Variants in RASSF2 observed in about 807,000 individuals in gnomAD.
RASSF2 encodes the protein Ras association domain family member 2, also known as ras association domain-containing protein 2.
RASSF2 carries 34 observed loss-of-function variants against 46.3 expected under a neutral mutation model. The ratio of observed to expected loss-of-function variants is 0.73; its 90% CI spans 0.56 to 0.98. The LOEUF is 0.98. RASSF2 is among the 50% of genes least tolerant of loss of function. The pLI, the probability that RASSF2 is intolerant of heterozygous loss-of-function variation, is 0.00. For synonymous variants in RASSF2, 158 were observed against 162.5 expected (o/e 0.97, Z 0.21); for missense variants, 364 against 431.2 (o/e 0.84, Z 1.38).
chr20:4,808,163 T>C (rs561895849), intron 2 of RASSF2, among the ~76,000 whole-genome samples: 2 of 152,368 alleles, frequency 1.3e-5, no homozygotes, highest in South Asian at 4.1e-4. Context: ...TCTGTGGCCT[T>C]GGAGACAGGG....
chr20:4,797,686 A>G (rs1483091918), intron 4 of RASSF2, among the ~76,000 whole-genome samples: 2 of 152,176 alleles, frequency 1.3e-5, no homozygotes, highest in African/African-American at 2.4e-5. Flanking sequence ...CGAATTGCCC[A>G]ACGAGAGAAC....
In RASSF2 at chr20:4,787,704, G is replaced by A. The variant is rs1925484784; in HGVS notation, c.742C>T (p.Gln248Ter). Residue 248 changes from glutamine to a stop codon, truncating the protein, a stop_gained, in exon 10 of 12, where the codon CAG (glutamine) becomes TAG (stop). Transcript: ENST00000379400. LOFTEE classifies it high-confidence loss of function. ...TDYPLIARIL[Q>*]GPCEQISKVF... ...TTGGAGATCTGCTCACATGGGCCCT[G>A]GAGGATTCGGGCAATCAGCGGGTAA... is the stretch of plus-strand genomic sequence containing the variant. 6.2e-7 allele frequency: 1 copy of A among 1,614,072 alleles called. No individual in the cohort carries two copies. Among genetic ancestry groups the A allele is most frequent in the Non-Finnish European group, 8.5e-7 (1 of 1,180,002 alleles).
rs1183482437 is a variant in RASSF2 at position 4,783,369 on chromosome 20, A to C, written c.*904T>G. 1 of 152,274 alleles carries C rather than the reference A, an allele frequency of 6.6e-6. No homozygotes were observed. Among genetic ancestry groups the C allele is most frequent in the Non-Finnish European group, 1.5e-5 (1 of 68,074 alleles). 9.4% of individuals were successfully genotyped at this position (152,274 alleles called of 1,614,324 possible). A position where few individuals can be genotyped will look rare whatever the true frequency, so the allele number is the denominator to read the frequency against. On this transcript the variant is annotated 3_prime_UTR_variant, in exon 12 of 12. Coordinates refer to ENST00000379400, the MANE Select transcript of RASSF2 (RefSeq NM_014737.3). The stretch of plus-strand genomic sequence containing the variant: ...CAGGCCCTGGCCACACTAGCTGGTC[A>C]GCACTGTGTACGCACCAGCGAGATC...
At chr20:4,786,836 C>A (rs1925392194) in intron 10 of RASSF2, among the ~76,000 whole-genome samples, 1 of 152,088 alleles carries the variant, frequency 6.6e-6, no homozygotes, top group South Asian at 2.1e-4. Context: ...GTAATCCCGG[C>A]ACTTTGGGAG....
At chr20:4,813,239 T>G (rs1334946527) in intron 2 of RASSF2, among the ~76,000 whole-genome samples, 1 of 152,066 alleles carries the variant, frequency 6.6e-6, no homozygotes, top group Non-Finnish European at 1.5e-5. Context: ...GAGCTGCCCC[T>G]GCCTGGCCCA....
At chr20:4,785,841 G>C (rs539303589) in intron 11 of RASSF2, among the ~76,000 whole-genome samples, 1 of 152,282 alleles carries the variant, frequency 6.6e-6, no homozygotes, top group African/African-American at 2.4e-5. Context: ...ACCCGTCAAA[G>C]ACCCTCATCG....
At chr20:4,816,869 C>T (rs762914871) in intron 2 of RASSF2, among the ~76,000 whole-genome samples, 1 of 151,980 alleles carries the variant, frequency 6.6e-6, no homozygotes, top group South Asian at 2.1e-4. Context: ...TTTGGGAGGC[C>T]GAGGCGGGTG....
chr20:4,822,049 G>T (rs1337507033), intron 2 of RASSF2, among the ~76,000 whole-genome samples: 1 of 152,214 alleles, frequency 6.6e-6, no homozygotes, highest in Non-Finnish European at 1.5e-5. Flanking sequence ...GCCATGCGAG[G>T]CTTCTTTAAT....
chr20:4,797,233 G>A (rs1473668299), intron 4 of RASSF2, among the ~76,000 whole-genome samples: 2 of 152,126 alleles, frequency 1.3e-5, no homozygotes, highest in African/African-American at 4.8e-5. Context: ...AGTGGTTTGA[G>A]GGACACAGAA....
Position 4,787,849 on chromosome 20 carries a change from G to A in RASSF2, c.692-95C>T, listed in dbSNP as rs867834303. 2.4e-5 allele frequency: 34 copies of A among 1,446,334 alleles called. No individual in the cohort carries two copies. The Middle Eastern group carries it at 1.8e-3, about 78-fold the overall frequency. 89.6% of individuals were successfully genotyped at this position (1,446,334 alleles called of 1,614,324 possible). ...GTCCAAAGGCACCTTAGGAGATGCC[G>A]CCATATACGTCAGGAGACTGATTTA... On this transcript the variant is annotated intron_variant, in intron 9 of 11. Transcript: ENST00000379400.
intron 2 of RASSF2, among the ~76,000 whole-genome samples, chr20:4,818,480 G>A (rs1379540243): frequency 6.6e-6 from 1 of 152,084 alleles, no homozygotes; most frequent in Admixed American, 6.6e-5. Flanking sequence ...ATGTGTGCTG[G>A]GGCCAGATCC....
intron 5 of RASSF2, 38 bp from the exon 6 acceptor site, chr20:4,792,665 G>C: frequency 6.2e-7 from 1 of 1,607,620 alleles, no homozygotes; most frequent in Non-Finnish European, 8.5e-7. Flanking sequence ...GGGGAGACTA[G>C]TTTAAGCCCT....
intron 6 of RASSF2, among the ~76,000 whole-genome samples, chr20:4,791,373 A>G (rs767439749): frequency 6.6e-6 from 1 of 152,134 alleles, no homozygotes; most frequent in Non-Finnish European, 1.5e-5. Context: ...TGCTTTTAAT[A>G]CCACTGAACT....
intron 11 of RASSF2, 26 bp downstream of exon 11, chr20:4,786,204 AC>A (rs1207556834): frequency 6.4e-7 from 1 of 1,556,982 alleles, no homozygotes; most frequent in African/African-American, 1.4e-5. Flanking sequence ...GGAGAAGTGC[AC>A]CCAGTGCCCC....
rs1926284052 is a variant in RASSF2 at position 4,795,747 on chromosome 20, T to C, written c.287+68A>G. ...GCTGGCTGGAAGAAGGCAGCATTTATCTGCTTGAGAACACATAGAACACCC... is the reference window on the plus strand; with the variant it reads ...GCTGGCTGGAAGAAGGCAGCATTTACCTGCTTGAGAACACATAGAACACCC... On this transcript the variant is annotated intron_variant, in intron 5 of 11. Coordinates refer to ENST00000379400, the MANE Select transcript of RASSF2 (RefSeq NM_014737.3). This position sits in a 1 kb window ranked among gnomAD's most constrained non-coding sequence, Gnocchi z 4.0. The C allele has an allele frequency of 1.3e-6, 2 of 1,521,452 alleles. No homozygotes were observed. The highest frequency in any genetic ancestry group is 2.5e-5 in the East Asian group (1 of 39,630). The allele number at this position is 1,521,452 out of a possible 1,614,324, so 94.2% of individuals were successfully genotyped here.
chr20:4,786,443 C>A lies in RASSF2; in HGVS notation c.814-115G>T, dbSNP rs138970894. 219 of 933,606 alleles carry A rather than the reference C, an allele frequency of 2.3e-4. 1 individual carries two copies. In the African/African-American group the frequency reaches 3.0e-3, roughly 13 times the overall value. 57.8% of individuals were successfully genotyped at this position (933,606 alleles called of 1,614,324 possible). ...TTGGGAAGTCTATTTTTTTCAGAAACCCAGGATTTCCTTAAAGGCAGCAGC... is the reference window on the plus strand; with the variant it reads ...TTGGGAAGTCTATTTTTTTCAGAAAACCAGGATTTCCTTAAAGGCAGCAGC... On this transcript the variant is annotated intron_variant, in intron 10 of 11. Transcript: ENST00000379400.
intron 4 of RASSF2, among the ~76,000 whole-genome samples, chr20:4,797,798 T>C (rs1286312047): frequency 6.6e-6 from 1 of 152,160 alleles, no homozygotes; most frequent in Non-Finnish European, 1.5e-5. Context: ...TACAGGAATG[T>C]CTCTGGAACA....
intron 3 of RASSF2, 96 bp downstream of exon 3, chr20:4,800,876 C>T: frequency 9.8e-7 from 1 of 1,019,490 alleles, no homozygotes; most frequent in Non-Finnish European, 1.6e-6. Flanking sequence ...GTCTGATATA[C>T]AGTGGGGGGC....
chr20:4,812,031 G>A lies in RASSF2; in HGVS notation c.-33+10298C>T, dbSNP rs1927862562. ...TGCGCTTCGGACCCCTTGTAGTGGG[G>A]CAGGAAGCGGTGTGGATGGCAAACA... is the stretch of plus-strand genomic sequence containing the variant. On this transcript the variant is annotated intron_variant, in intron 2 of 11. Transcript: ENST00000379400. This position sits in a 1 kb window ranked among gnomAD's most constrained non-coding sequence, Gnocchi z 4.0. 6.6e-6 allele frequency among the ~76,000 whole-genome samples: 1 copy of A among 152,050 alleles called. No individual in the cohort carries two copies. The highest frequency in any genetic ancestry group is 6.5e-5 in the Admixed American group (1 of 15,274).
Sources: allele counts gnomAD v4.1 joint callset (sites outside exome capture counted in the v4.1 genomes callset), GRCh38; gene constraint gnomAD v4.1.1; non-coding constraint Gnocchi (gnomAD v3.1); transcripts MANE v1.5; gene names NCBI Gene and HGNC (gene_info 2026-07-23, HGNC 2026-07-21).